The following COL27A1 variants were observed in gnomAD, a reference collection of about 807,000 sequenced individuals.
The protein encoded by COL27A1 is collagen type XXVII alpha 1 chain.
A neutral mutation model predicts 251.3 loss-of-function variants in COL27A1; 106 were observed. The observed-to-expected ratio is 0.42, with a 90% confidence interval of 0.36 to 0.50. The LOEUF (loss-of-function observed/expected upper bound fraction) is 0.50. COL27A1 is among the 20% of genes least tolerant of loss of function. COL27A1 has a pLI of 0.00. For missense variants in COL27A1, 2,325 were observed against 2,522.8 expected (o/e 0.92, Z 1.68); for synonymous variants, 1,000 against 986.3 (o/e 1.01, Z -0.26).
chr9:114,245,743 GGAGAT>G, intron 23 of COL27A1, 118 bp from the exon 24 acceptor site: 1 of 897,312 alleles, frequency 1.1e-6, no homozygotes, highest in South Asian at 1.4e-5. Flanking sequence ...GCCACACACT[GGAGAT>G]AAGATCCCTG....
Position 114,169,194 on chromosome 9 carries a change from C to G in COL27A1, c.1639C>G (p.Pro547Ala). The change falls in exon 3 of 61, where the codon CCC (proline) becomes GCC (alanine). Residue 547 changes from proline to alanine, a missense_variant. By Grantham distance (27) the Pro-to-Ala change is conservative. This residue lies in a region of COL27A1 where 1,183 missense variants were observed against 1,144.1 expected (regional missense o/e 1.03). Coordinates refer to ENST00000356083, the MANE Select transcript of COL27A1 (RefSeq NM_032888.4). The stretch of plus-strand genomic sequence containing the variant: ...ATCGGAAGCCTCAAAGAAAGCCGGA[C>G]CCAAGAGCAGCCCCCGGAAGCCTGT... ...IGSEASKKAG[P>A]KSSPRKPVPL... 1 of 1,614,086 alleles carries G rather than the reference C, an allele frequency of 6.2e-7. No individual in the cohort carries two copies. Among genetic ancestry groups the G allele is most frequent in the Non-Finnish European group, 8.5e-7 (1 of 1,180,012 alleles).
At chr9:114,238,259 A>G (rs926258012) in intron 19 of COL27A1, among the ~76,000 whole-genome samples, 8 of 152,266 alleles carry the variant, frequency 5.3e-5, no homozygotes, top group African/African-American at 1.7e-4. Context: ...GTGTGTGATC[A>G]TTGGCATAGG....
intron 3 of COL27A1, among the ~76,000 whole-genome samples, chr9:114,177,902 T>C (rs920376856): frequency 1.3e-5 from 2 of 152,186 alleles, no homozygotes; most frequent in African/African-American, 4.8e-5. Flanking sequence ...GGCAGATGAC[T>C]CATATCCCCT....
intron 36 of COL27A1, among the ~76,000 whole-genome samples, chr9:114,275,409 A>AGCCCAG (rs1217444797): frequency 6.6e-6 from 1 of 152,198 alleles, no homozygotes; most frequent in Admixed American, 6.5e-5. Flanking sequence ...TGCCCTTCGC[A>AGCCCAG]GCCCAGGCCC....
intron 4 of COL27A1, 87 bp from the exon 5 acceptor site, chr9:114,182,935 A>T (rs1055906945): frequency 8.0e-6 from 9 of 1,126,100 alleles, no homozygotes; most frequent in Non-Finnish European, 1.2e-5. Flanking sequence ...CAGTGGGTGG[A>T]GGGAAGGTGC....
At chr9:114,184,890 G>A (rs776928829) in intron 5 of COL27A1, among the ~76,000 whole-genome samples, 3 of 152,170 alleles carry the variant, frequency 2.0e-5, no homozygotes, top group Non-Finnish European at 4.4e-5. Flanking sequence ...TCAAGATGCC[G>A]AGCATCAGCA....
rs768929542 is a variant in COL27A1 at position 114,270,790 on chromosome 9, C to G, written c.3609+9C>G. On this transcript the variant is annotated intron_variant, in intron 36 of 60. Transcript: ENST00000356083. Reference sequence around the variant, plus strand: ...GACCTGATGGGCTGAAGGTAAGTGCCCTTTTAGGGCAGGGCCTGGGGACCC... The same window carrying G: ...GACCTGATGGGCTGAAGGTAAGTGCGCTTTTAGGGCAGGGCCTGGGGACCC... 38 of 1,609,744 alleles carry G rather than the reference C, an allele frequency of 2.4e-5. No individual in the cohort carries two copies. The East Asian group carries it at 8.5e-4, about 36-fold the overall frequency.
intron 3 of COL27A1, among the ~76,000 whole-genome samples, chr9:114,176,031 A>C (rs1332198797): frequency 6.6e-6 from 1 of 152,176 alleles, no homozygotes. Flanking sequence ...ACACTCAACC[A>C]AGATTGTGTG....
At chr9:114,241,653 C>A (rs1304575341) in intron 21 of COL27A1, among the ~76,000 whole-genome samples, 5 of 152,224 alleles carry the variant, frequency 3.3e-5, no homozygotes, top group Non-Finnish European at 7.3e-5. Flanking sequence ...TTGTTCACAT[C>A]TTCATTCATT....
intron 23 of COL27A1, among the ~76,000 whole-genome samples, chr9:114,245,014 G>A (rs1350954803): frequency 6.6e-6 from 1 of 152,096 alleles, no homozygotes; most frequent in Non-Finnish European, 1.5e-5. Flanking sequence ...GCAGAGATGG[G>A]ACTCACCCCA....
intron 16 of COL27A1, among the ~76,000 whole-genome samples, chr9:114,235,256 G>A (rs1027785118): frequency 3.3e-5 from 5 of 152,302 alleles, no homozygotes; most frequent in Non-Finnish European, 2.9e-5. Context: ...GACAACACCC[G>A]TTAATGATGA....
rs1830201019 is a variant in COL27A1 at position 114,209,507 on chromosome 9, C to T, written c.2269-168C>T. On this transcript the variant is annotated intron_variant, in intron 10 of 60. Transcript: ENST00000356083. ...ACCATGCAGTCCATGGGCATATACA[C>T]TTGCCTCAAGGCCTATGTCATCGAG... 3 of 783,856 alleles carry T rather than the reference C, an allele frequency of 3.8e-6. No individual in the cohort carries two copies. The Admixed American group carries it at 5.1e-5, about 13-fold the overall frequency. 48.6% of individuals were successfully genotyped at this position (783,856 alleles called of 1,614,324 possible). A position where few individuals can be genotyped will look rare whatever the true frequency, so the allele number is the denominator to read the frequency against.
chr9:114,192,516 G>A (rs374757879), intron 5 of COL27A1, among the ~76,000 whole-genome samples: 2 of 152,132 alleles, frequency 1.3e-5, no homozygotes. Flanking sequence ...GAGTTCTGGG[G>A]ACCTTCAGCC....
intron 14 of COL27A1, among the ~76,000 whole-genome samples, chr9:114,222,827 T>C (rs1831213677): frequency 6.6e-6 from 1 of 152,178 alleles, no homozygotes. Flanking sequence ...GGGCCTAGTT[T>C]CCTCATCTGT....
intron 14 of COL27A1, among the ~76,000 whole-genome samples, chr9:114,223,599 T>C (rs1300192187): frequency 6.6e-6 from 1 of 152,196 alleles, no homozygotes; most frequent in Non-Finnish European, 1.5e-5. Context: ...ATGGGATCAT[T>C]GTATCCACTC....
intron 27 of COL27A1, among the ~76,000 whole-genome samples, chr9:114,257,933 C>T (rs1044780797): frequency 3.9e-5 from 6 of 152,156 alleles, no homozygotes; most frequent in African/African-American, 1.4e-4. Flanking sequence ...TGCAGTGGCT[C>T]ACACCTGTAA....
At chr9:114,304,783 G>C (rs1295959964) in intron 57 of COL27A1, 110 bp downstream of exon 57, 3 of 924,818 alleles carry the variant, frequency 3.2e-6, no homozygotes, top group Non-Finnish European at 5.1e-6. Context: ...GAGCATTTCA[G>C]AGTCCTGGTC....
chr9:114,251,508 C>CT (rs1833545869), intron 25 of COL27A1, among the ~76,000 whole-genome samples: 1 of 152,084 alleles, frequency 6.6e-6, no homozygotes, highest in African/African-American at 2.4e-5. Flanking sequence ...TTAAATTTAA[C>CT]TTTTTATTTT....
rs567397542 is a variant in COL27A1, at chr9:114,311,087, G to A, written c.*392G>A. On this transcript the variant is annotated 3_prime_UTR_variant, in exon 61 of 61. Coordinates refer to ENST00000356083, the MANE Select transcript of COL27A1 (RefSeq NM_032888.4). ...TGGTCCCTGCTAGGGAGCTATTGAT[G>A]TGCAATATTAGAAAGGAGACATGAA... 41 of 178,400 alleles carry A rather than the reference G, an allele frequency of 2.3e-4. No homozygotes were observed. Among genetic ancestry groups the A allele is most frequent in the Non-Finnish European group, 3.9e-4 (33 of 84,630 alleles). The allele number at this position is 178,400 out of a possible 1,614,324, so 11.1% of individuals were successfully genotyped here. A position where few individuals can be genotyped will look rare whatever the true frequency, so the allele number is the denominator to read the frequency against.
Sources: gnomAD v4.1 joint callset for allele counts (sites outside exome capture counted in the v4.1 genomes callset) on GRCh38, gnomAD v4.1.1 for gene constraint, gnomAD v4.1.1 regional missense constraint, MANE v1.5 for transcripts, NCBI Gene and HGNC (gene_info 2026-07-23, HGNC 2026-07-21) for gene names.